Variants in ZSWIM6 observed in about 807,000 individuals in gnomAD.
ZSWIM6 encodes the protein zinc finger SWIM-type containing 6.
A neutral mutation model predicts 113.2 loss-of-function variants in ZSWIM6; 9 were observed. The ratio of observed to expected loss-of-function variants is 0.08; its 90% CI spans 0.05 to 0.14. ZSWIM6 has a LOEUF of 0.14. ZSWIM6 is among the 10% of genes least tolerant of loss of function. The pLI is 1.00. For synonymous variants in ZSWIM6, 611 were observed against 606.5 expected (o/e 1.01, Z -0.11); for missense variants, 1,162 against 1,552.2 (o/e 0.75, Z 4.22).
At chr5:61,519,566 TTTG>T (rs58790317) in intron 4 of ZSWIM6, among the ~76,000 whole-genome samples, 19,310 of 152,082 alleles carry the variant, frequency 0.13, 1,341 homozygotes, top group Middle Eastern at 0.17. Flanking sequence ...GTCCAAAGTT[TTTG>T]TTGTTATCAT....
rs1233264711 is a variant in ZSWIM6, at chr5:61,543,182, T to C, written c.2786-273T>C. ...ATTAGCAAAAAGCCATTGTCTGAAA[T>C]GGCAAGCAGCACAGTACAAATACCA... is the stretch of plus-strand genomic sequence containing the variant. On this transcript the variant is annotated intron_variant, in intron 13 of 13. Coordinates refer to ENST00000252744, the MANE Select transcript of ZSWIM6 (RefSeq NM_020928.2). This position sits in a 1 kb window ranked among gnomAD's most constrained non-coding sequence, Gnocchi z 4.3. Among the ~76,000 whole-genome samples, 1 of 152,100 alleles carries C rather than the reference T, an allele frequency of 6.6e-6. No individual in the cohort carries two copies. Among genetic ancestry groups the C allele is most frequent in the African/African-American group, 2.4e-5 (1 of 41,408 alleles).
In ZSWIM6 at chr5:61,342,123, A is replaced by G. The variant is rs911623476; in HGVS notation, c.676+9175A>G. 7.2e-5 allele frequency among the ~76,000 whole-genome samples: 11 copies of G among 152,026 alleles called. No individual in the cohort carries two copies. The East Asian group carries it at 2.1e-3, about 29-fold the overall frequency. On this transcript the variant is annotated intron_variant, in intron 1 of 13. Transcript: ENST00000252744. ...TTGCACTCCTGACCTCAAGTGATCC[A>G]CCCACCTCGGCCTCCTAAAATGCTA...
intron 1 of ZSWIM6, among the ~76,000 whole-genome samples, chr5:61,334,372 TAGTG>T (rs889354851): frequency 7.9e-5 from 12 of 152,316 alleles, no homozygotes; most frequent in African/African-American, 2.9e-4. Context: ...CCTCCCATGT[TAGTG>T]TACTTGAAAT....
At chr5:61,528,354 C>A (rs950920674) in intron 7 of ZSWIM6, among the ~76,000 whole-genome samples, 2 of 151,994 alleles carry the variant, frequency 1.3e-5, no homozygotes, top group Non-Finnish European at 2.9e-5. Flanking sequence ...ATAAGCACAG[C>A]ATTTCCTTTA....
intron 1 of ZSWIM6, among the ~76,000 whole-genome samples, chr5:61,451,121 C>A (rs1747077564): frequency 6.6e-6 from 1 of 152,082 alleles, no homozygotes; most frequent in African/African-American, 2.4e-5. Context: ...CTGCTTACAA[C>A]TGCACAGAAG....
intron 1 of ZSWIM6, among the ~76,000 whole-genome samples, chr5:61,431,775 C>G (rs1306122990): frequency 1.3e-5 from 2 of 152,060 alleles, no homozygotes; most frequent in African/African-American, 4.8e-5. Flanking sequence ...ACAAAAAAAA[C>G]TTTGACTACT....
At chr5:61,398,090 C>T (rs1454514237) in intron 1 of ZSWIM6, among the ~76,000 whole-genome samples, 5 of 152,168 alleles carry the variant, frequency 3.3e-5, no homozygotes, top group Non-Finnish European at 7.3e-5. Context: ...GCCCTGCTCT[C>T]TTGCTGTGGT....
At chr5:61,375,426 A>G in intron 1 of ZSWIM6, 1 of 1,513,082 alleles carries the variant, frequency 6.6e-7, no homozygotes, top group Non-Finnish European at 9.0e-7. Flanking sequence ...GTAGGTATTC[A>G]TCTTCTTCTT....
intron 5 of ZSWIM6, 56 bp downstream of exon 5, chr5:61,521,498 C>G (rs1384913845): frequency 4.7e-6 from 6 of 1,270,854 alleles, no homozygotes; most frequent in South Asian, 2.5e-5. Flanking sequence ...TGCATATGTG[C>G]TTATAATAGT....
chr5:61,463,813 C>CT (rs939930630), intron 1 of ZSWIM6, among the ~76,000 whole-genome samples: 6 of 152,108 alleles, frequency 3.9e-5, no homozygotes, highest in Admixed American at 1.3e-4. Context: ...GTGGGCATTA[C>CT]TTGGAAGAAC....
At chr5:61,395,053 T>C (rs1445193928) in intron 1 of ZSWIM6, among the ~76,000 whole-genome samples, 1 of 152,092 alleles carries the variant, frequency 6.6e-6, no homozygotes, top group African/African-American at 2.4e-5. Flanking sequence ...TTGTGCTCAT[T>C]TTGGGGAGTT....
intron 1 of ZSWIM6, among the ~76,000 whole-genome samples, chr5:61,406,098 C>G (rs115601950): frequency 0.011 from 1,702 of 152,230 alleles, 25 homozygotes; most frequent in African/African-American, 0.038. Flanking sequence ...TCTCTTCCCT[C>G]CAGTCTTGGC....
intron 2 of ZSWIM6, among the ~76,000 whole-genome samples, chr5:61,474,733 C>T (rs757250818): frequency 6.6e-6 from 1 of 152,082 alleles, no homozygotes; most frequent in African/African-American, 2.4e-5. Context: ...ATTTATTTGT[C>T]CTTGTTCATT....
chr5:61,437,119 G>A (rs1746724755), intron 1 of ZSWIM6, among the ~76,000 whole-genome samples: 2 of 152,174 alleles, frequency 1.3e-5, no homozygotes, highest in Non-Finnish European at 2.9e-5. Context: ...GGAAAGGGAA[G>A]TGGAGGCACT....
At chr5:61,388,104 T>C (rs956452377) in intron 1 of ZSWIM6, among the ~76,000 whole-genome samples, 1 of 151,166 alleles carries the variant, frequency 6.6e-6, no homozygotes, top group Admixed American at 6.6e-5. Context: ...TGCCTCAGTC[T>C]CCTGAGTAGC....
At chr5:61,336,762 GA>G (rs541212335) in intron 1 of ZSWIM6, among the ~76,000 whole-genome samples, 7 of 150,150 alleles carry the variant, frequency 4.7e-5, no homozygotes, top group African/African-American at 9.8e-5. Flanking sequence ...GTCTCAAGAG[GA>G]AAAAAAAATC....
intron 1 of ZSWIM6, among the ~76,000 whole-genome samples, chr5:61,333,471 G>T (rs1744314033): frequency 6.6e-6 from 1 of 151,960 alleles, no homozygotes; most frequent in African/African-American, 2.4e-5. Flanking sequence ...CGCGATTTGA[G>T]GGGAGGGGAA....
At chr5:61,346,049 A>T (rs1431445010) in intron 1 of ZSWIM6, among the ~76,000 whole-genome samples, 1 of 151,932 alleles carries the variant, frequency 6.6e-6, no homozygotes, top group Non-Finnish European at 1.5e-5. Flanking sequence ...GGTTCAAGTG[A>T]TTCTCCTGCC....
intron 1 of ZSWIM6, among the ~76,000 whole-genome samples, chr5:61,467,611 T>C (rs1236970204): frequency 6.6e-6 from 1 of 152,204 alleles, no homozygotes; most frequent in African/African-American, 2.4e-5. Flanking sequence ...GGACCATACA[T>C]TGAGAATCAT....
Sources: allele counts gnomAD v4.1 joint callset (sites outside exome capture counted in the v4.1 genomes callset), GRCh38; gene constraint gnomAD v4.1.1; non-coding constraint Gnocchi (gnomAD v3.1); transcripts MANE v1.5; gene names NCBI Gene and HGNC (gene_info 2026-07-23, HGNC 2026-07-21).